CACNA2D1: variants seen among roughly 807,000 people sequenced by gnomAD.
The protein encoded by CACNA2D1 is voltage-dependent calcium channel subunit alpha-2/delta-1.
CACNA2D1 carries 53 observed loss-of-function variants against 171.5 expected under a neutral mutation model. The observed-to-expected ratio is 0.31, with a 90% CI of 0.25 to 0.39. The LOEUF (loss-of-function observed/expected upper bound fraction) is 0.39, where lower values mean the gene tolerates loss of function less well. Ranked by LOEUF, CACNA2D1 falls within the 10% of genes least tolerant of loss-of-function variation. CACNA2D1 has a pLI of 1.00. For synonymous variants in CACNA2D1, 442 were observed against 443.1 expected (o/e 1.00, Z 0.03); for missense variants, 903 against 1,299.8 (o/e 0.69, Z 4.69).
chr7:82,335,786 T>G (rs1349633031), intron 2 of CACNA2D1, among the ~76,000 whole-genome samples: 1 of 152,056 alleles, frequency 6.6e-6, no homozygotes, highest in Non-Finnish European at 1.5e-5. Flanking sequence ...GTCATTAAGG[T>G]TTTGGTTAGA....
At chr7:82,354,132 C>T (rs565894961) in intron 1 of CACNA2D1, among the ~76,000 whole-genome samples, 1 of 152,230 alleles carries the variant, frequency 6.6e-6, no homozygotes, top group East Asian at 1.9e-4. Context: ...GTAGATCATA[C>T]CCTTTCATCT....
intron 3 of CACNA2D1, among the ~76,000 whole-genome samples, chr7:82,286,227 G>T (rs1393308025): frequency 6.6e-6 from 1 of 152,164 alleles, no homozygotes; most frequent in South Asian, 2.1e-4. Flanking sequence ...TTGGAAGAAA[G>T]GGTCCCAAGC....
intron 1 of CACNA2D1, among the ~76,000 whole-genome samples, chr7:82,415,336 C>A (rs554795771): frequency 1.1e-4 from 16 of 152,196 alleles, no homozygotes; most frequent in African/African-American, 3.9e-4. Flanking sequence ...GAGTTCCAGA[C>A]CAGCCTGGCC....
At chr7:82,302,472 G>T (rs997845731) in intron 3 of CACNA2D1, among the ~76,000 whole-genome samples, 5 of 149,378 alleles carry the variant, frequency 3.3e-5, no homozygotes, top group African/African-American at 1.2e-4. Flanking sequence ...GTGCAATGGT[G>T]CAATCTCGGT....
At chr7:82,072,415 AT>A (rs1281996629) in intron 7 of CACNA2D1, among the ~76,000 whole-genome samples, 1 of 151,904 alleles carries the variant, frequency 6.6e-6, no homozygotes, top group Non-Finnish European at 1.5e-5. Context: ...ATTCCCATGT[AT>A]TTTTAGGAGA....
rs533790355 is a variant in CACNA2D1 at position 81,953,507 on chromosome 7, T to C, written c.3160-2999A>G. Among the ~76,000 whole-genome samples the C allele has an allele frequency of 6.8e-4, 104 of 151,844 alleles. 1 individual carries two copies. Among genetic ancestry groups the C allele is most frequent in the African/African-American group, 2.4e-3 (101 of 41,390 alleles). ...TTGTTCAGATGCTTTTCTCTCCAGGTAGGGTAAACAGATAAAAAACAGGGT... is the reference window on the plus strand; with the variant it reads ...TTGTTCAGATGCTTTTCTCTCCAGGCAGGGTAAACAGATAAAAAACAGGGT... On this transcript the variant is annotated intron_variant, in intron 38 of 38. Transcript: ENST00000356860.
At chr7:82,229,914 G>A (rs1356697819) in intron 3 of CACNA2D1, among the ~76,000 whole-genome samples, 1 of 152,068 alleles carries the variant, frequency 6.6e-6, no homozygotes, top group Non-Finnish European at 1.5e-5. Context: ...AATTTGTATG[G>A]TTTTATTTAT....
chr7:82,271,341 C>T (rs982942709), intron 3 of CACNA2D1, among the ~76,000 whole-genome samples: 7 of 152,048 alleles, frequency 4.6e-5, no homozygotes, highest in Non-Finnish European at 7.4e-5. Context: ...TCTTATTTCT[C>T]CCCTACATGC....
At chr7:82,305,095 C>T (rs1470560648) in intron 3 of CACNA2D1, among the ~76,000 whole-genome samples, 3 of 152,102 alleles carry the variant, frequency 2.0e-5, no homozygotes, top group Non-Finnish European at 4.4e-5. Flanking sequence ...ATGTTGCAAT[C>T]TTGGGTAATT....
At chr7:82,388,440 G>C (rs1033535075) in intron 1 of CACNA2D1, among the ~76,000 whole-genome samples, 2 of 152,208 alleles carry the variant, frequency 1.3e-5, no homozygotes, top group Non-Finnish European at 2.9e-5. Context: ...AATTCAGGTT[G>C]ATTTTTCGTT....
intron 3 of CACNA2D1, among the ~76,000 whole-genome samples, chr7:82,183,369 C>T (rs186516708): frequency 2.0e-5 from 3 of 152,174 alleles, no homozygotes; most frequent in Admixed American, 2.0e-4. Context: ...CTAGAAAATG[C>T]AGTACTGTCC....
intron 13 of CACNA2D1, among the ~76,000 whole-genome samples, chr7:82,014,075 A>T (rs777732411): frequency 1.1e-4 from 16 of 152,078 alleles, no homozygotes; most frequent in Non-Finnish European, 2.1e-4. Context: ...ATACTCTCAT[A>T]TTTAAGCTTT....
chr7:82,018,856 C>T (rs887815670), intron 12 of CACNA2D1, among the ~76,000 whole-genome samples: 11 of 151,668 alleles, frequency 7.3e-5, no homozygotes, highest in Middle Eastern at 3.2e-3. Flanking sequence ...TGGTGGCTCA[C>T]GCCTGTAATC....
intron 7 of CACNA2D1, among the ~76,000 whole-genome samples, chr7:82,080,499 A>C (rs1809612935): frequency 6.6e-6 from 1 of 152,224 alleles, no homozygotes; most frequent in Admixed American, 6.5e-5. Flanking sequence ...CTGAAAGACA[A>C]GGTTGATGAA....
intron 3 of CACNA2D1, among the ~76,000 whole-genome samples, chr7:82,198,562 C>T (rs6950804): frequency 0.27 from 40,793 of 151,758 alleles, 6,528 homozygotes; most frequent in African/African-American, 0.44. Flanking sequence ...CCAGTTTTTA[C>T]GCAGCACTTT....
intron 28 of CACNA2D1, 86 bp downstream of exon 28, chr7:81,969,795 T>C (rs1056299846): frequency 1.3e-6 from 1 of 755,280 alleles, no homozygotes; most frequent in Non-Finnish European, 2.4e-6. Context: ...TAACATAAAA[T>C]GTAGTGATTT....
intron 3 of CACNA2D1, among the ~76,000 whole-genome samples, chr7:82,253,183 T>A (rs1473399672): frequency 1.3e-5 from 2 of 152,174 alleles, no homozygotes; most frequent in African/African-American, 4.8e-5. Flanking sequence ...ACAAAGAGAA[T>A]GAGAAACCAT....
At chr7:82,324,081 G>A (rs1816328184) in intron 3 of CACNA2D1, among the ~76,000 whole-genome samples, 1 of 152,166 alleles carries the variant, frequency 6.6e-6, no homozygotes, top group Non-Finnish European at 1.5e-5. Flanking sequence ...GGTTGGCTGG[G>A]CATGGTGGCT....
At chr7:81,995,982 G>T (rs1450075382) in intron 19 of CACNA2D1, among the ~76,000 whole-genome samples, 2 of 152,122 alleles carry the variant, frequency 1.3e-5, no homozygotes, top group Non-Finnish European at 2.9e-5. Flanking sequence ...ATTTGAATTT[G>T]AAGAACACGA....
Sources: allele counts gnomAD v4.1 joint callset (sites outside exome capture counted in the v4.1 genomes callset), GRCh38; gene constraint gnomAD v4.1.1; transcripts MANE v1.5; gene names NCBI Gene and HGNC (gene_info 2026-07-23, HGNC 2026-07-21).